Variants in PPP2R2B observed in about 807,000 individuals in gnomAD.
PPP2R2B encodes the protein protein phosphatase 2 regulatory subunit Bbeta, also known as serine/threonine-protein phosphatase 2A 55 kDa regulatory subunit B beta isoform.
In PPP2R2B, 5 loss-of-function variants were observed where a neutral mutation model predicts 46.0. That is an observed-to-expected ratio of 0.11 (90% CI 0.06 to 0.23). PPP2R2B has a LOEUF of 0.23. Ranked by LOEUF, PPP2R2B falls within the 10% of genes least tolerant of loss-of-function variation. PPP2R2B has a pLI of 1.00. For missense variants in PPP2R2B, 367 were observed against 575.0 expected (o/e 0.64, Z 3.70); for synonymous variants, 215 against 206.7 (o/e 1.04, Z -0.34).
intron 2 of PPP2R2B, among the ~76,000 whole-genome samples, chr5:147,075,627 A>T (rs901273844): frequency 8.6e-5 from 13 of 152,014 alleles, no homozygotes; most frequent in Non-Finnish European, 1.9e-4. Flanking sequence ...TTTCTCCCCA[A>T]ATATCTTTCT....
chr5:147,002,464 T>C (rs1754222405), intron 1 of PPP2R2B, among the ~76,000 whole-genome samples: 1 of 152,160 alleles, frequency 6.6e-6, no homozygotes, highest in Non-Finnish European at 1.5e-5. Context: ...AACATCTTTA[T>C]AGGAAATGGA....
intron 2 of PPP2R2B, among the ~76,000 whole-genome samples, chr5:146,770,600 A>G (rs1021369598): frequency 6.6e-6 from 1 of 152,156 alleles, no homozygotes; most frequent in African/African-American, 2.4e-5. Flanking sequence ...GCTTCTCTTT[A>G]TTTCCAAATG....
chr5:146,780,620 T>A (rs974345759), intron 2 of PPP2R2B, among the ~76,000 whole-genome samples: 1 of 152,190 alleles, frequency 6.6e-6, no homozygotes, highest in Non-Finnish European at 1.5e-5. Flanking sequence ...TTTGTTCTAG[T>A]GCCTGGCTAG....
At chr5:146,712,670 TG>T (rs1185550924) in intron 2 of PPP2R2B, among the ~76,000 whole-genome samples, 4 of 152,294 alleles carry the variant, frequency 2.6e-5, no homozygotes, top group Non-Finnish European at 4.4e-5. Context: ...AGGGTTGATT[TG>T]GCTGATCCGG....
At chr5:146,682,656 C>T (rs1442052588) in intron 5 of PPP2R2B, among the ~76,000 whole-genome samples, 1 of 152,168 alleles carries the variant, frequency 6.6e-6, no homozygotes, top group East Asian at 1.9e-4. Flanking sequence ...TAGCAGAAGG[C>T]CTGGCACATA....
chr5:146,895,887 TA>T, intron 1 of PPP2R2B, among the ~76,000 whole-genome samples: 1 of 152,298 alleles, frequency 6.6e-6, no homozygotes, highest in Non-Finnish European at 1.5e-5. Flanking sequence ...AATGTGTACA[TA>T]ATTGGAAGAC....
intron 1 of PPP2R2B, among the ~76,000 whole-genome samples, chr5:147,021,746 A>G (rs1490989917): frequency 6.6e-6 from 1 of 152,226 alleles, no homozygotes; most frequent in Non-Finnish European, 1.5e-5. Context: ...TTTTAATGGG[A>G]GACATCTAGA....
At chr5:146,904,504 A>G (rs1281442459) in intron 1 of PPP2R2B, among the ~76,000 whole-genome samples, 1 of 152,220 alleles carries the variant, frequency 6.6e-6, no homozygotes, top group Non-Finnish European at 1.5e-5. Context: ...AAAATTCCAC[A>G]GGCAGTATTG....
intron 1 of PPP2R2B, among the ~76,000 whole-genome samples, chr5:147,038,777 G>A (rs910692128): frequency 6.6e-6 from 1 of 152,102 alleles, no homozygotes; most frequent in Non-Finnish European, 1.5e-5. Flanking sequence ...GTTGCTCAAC[G>A]TCACTTAGCT....
At chr5:146,594,503 G>A (rs182496889) in intron 8 of PPP2R2B, among the ~76,000 whole-genome samples, 1 of 152,200 alleles carries the variant, frequency 6.6e-6, no homozygotes, top group Admixed American at 6.5e-5. Context: ...CAATAATAAC[G>A]GGCATACCCA....
intron 2 of PPP2R2B, among the ~76,000 whole-genome samples, chr5:146,723,763 T>A (rs1488078222): frequency 6.6e-6 from 1 of 152,118 alleles, no homozygotes; most frequent in African/African-American, 2.4e-5. Flanking sequence ...TCTCACTCAT[T>A]CCCATCTCTG....
At chr5:146,862,349 G>C (rs1761054715) in intron 2 of PPP2R2B, among the ~76,000 whole-genome samples, 1 of 152,218 alleles carries the variant, frequency 6.6e-6, no homozygotes, top group African/African-American at 2.4e-5. Context: ...TGGTAAACTA[G>C]AGGGAAAGAT....
intron 2 of PPP2R2B, among the ~76,000 whole-genome samples, chr5:146,705,961 G>C (rs1779815000): frequency 6.9e-6 from 1 of 145,570 alleles, no homozygotes; most frequent in Non-Finnish European, 1.5e-5. Flanking sequence ...AGAGCTAGCT[G>C]AGGTTTTATT....
intron 7 of PPP2R2B, among the ~76,000 whole-genome samples, chr5:146,636,357 G>T (rs557321344): frequency 6.6e-6 from 1 of 152,162 alleles, no homozygotes; most frequent in Non-Finnish European, 1.5e-5. Context: ...TGGGAGTGGG[G>T]GTAGAAACAT....
intron 7 of PPP2R2B, among the ~76,000 whole-genome samples, chr5:146,620,975 AC>A (rs1773635886): frequency 6.6e-6 from 1 of 152,156 alleles, no homozygotes; most frequent in African/African-American, 2.4e-5. Flanking sequence ...CTACATAATC[AC>A]TGCAATGAGA....
intron 1 of PPP2R2B, among the ~76,000 whole-genome samples, chr5:147,012,156 C>A (rs898948975): frequency 2.0e-5 from 3 of 151,404 alleles, no homozygotes; most frequent in African/African-American, 7.3e-5. Flanking sequence ...AGGAATGGTA[C>A]CAGTTCCTCC....
At chr5:146,700,245 C>G (rs1779450557) in intron 3 of PPP2R2B, among the ~76,000 whole-genome samples, 1 of 152,040 alleles carries the variant, frequency 6.6e-6, no homozygotes, top group African/African-American at 2.4e-5. Context: ...CAGAGGCAGG[C>G]AGTGGCAGAT....
chr5:146,994,459 G>C (rs559567369), intron 1 of PPP2R2B, among the ~76,000 whole-genome samples: 1 of 152,246 alleles, frequency 6.6e-6, no homozygotes, highest in Admixed American at 6.5e-5. Flanking sequence ...GGGGAGTAGG[G>C]AAGTCAGAAA....
At chr5:146,904,204 G>A (rs574188923) in intron 1 of PPP2R2B, among the ~76,000 whole-genome samples, 1 of 152,260 alleles carries the variant, frequency 6.6e-6, no homozygotes, top group African/African-American at 2.4e-5. Flanking sequence ...AGAGTCTGGT[G>A]CCTAAGAAGG....
Sources: gnomAD v4.1 joint callset for allele counts (sites outside exome capture counted in the v4.1 genomes callset) on GRCh38, gnomAD v4.1.1 for gene constraint, MANE v1.5 for transcripts, NCBI Gene and HGNC (gene_info 2026-07-23, HGNC 2026-07-21) for gene names.